The following PSPC1 variants were observed in gnomAD, a reference collection of about 807,000 sequenced individuals.
PSPC1 encodes the protein paraspeckle protein 1.
In PSPC1, 14 loss-of-function variants were observed where a neutral mutation model predicts 51.6. The observed-to-expected ratio is 0.27, with a 90% CI of 0.18 to 0.42. The LOEUF is 0.42. Among genes scored for constraint, PSPC1 ranks in the 10% least tolerant of loss-of-function variants. The pLI is 1.00. For missense variants in PSPC1, 406 were observed against 701.1 expected (o/e 0.58, Z 4.75); for synonymous variants, 193 against 231.9 (o/e 0.83, Z 1.53).
At chr13:19,726,035 C>CT (rs1384288009) in intron 6 of PSPC1, among the ~76,000 whole-genome samples, 1 of 152,094 alleles carries the variant, frequency 6.6e-6, no homozygotes, top group East Asian at 1.9e-4. Context: ...CATGCCTACT[C>CT]TCCCAGCTAC....
chr13:19,711,793 A>G (rs896146537), intron 6 of PSPC1, among the ~76,000 whole-genome samples: 29 of 151,572 alleles, frequency 1.9e-4, no homozygotes, highest in Non-Finnish European at 1.5e-5. Flanking sequence ...GCAATGAACC[A>G]AGATTGCACT....
intron 5 of PSPC1, among the ~76,000 whole-genome samples, chr13:19,735,221 A>G (rs1884642170): frequency 6.6e-6 from 1 of 152,056 alleles, no homozygotes; most frequent in African/African-American, 2.4e-5. Context: ...CTGAGGCAGG[A>G]GAATCACTTG....
At chr13:19,765,412 A>G (rs1037123567) in intron 2 of PSPC1, among the ~76,000 whole-genome samples, 1 of 149,648 alleles carries the variant, frequency 6.7e-6, no homozygotes, top group African/African-American at 2.4e-5. Context: ...GAGAAAAAAT[A>G]AAATCACTAG....
intron 6 of PSPC1, among the ~76,000 whole-genome samples, chr13:19,717,477 G>A (rs573521931): frequency 3.3e-5 from 5 of 150,130 alleles, no homozygotes; most frequent in East Asian, 2.0e-4. Context: ...AGGCCGAAGC[G>A]GGCAGATCAC....
At chr13:19,692,498 CAT>C (rs1267644480) in intron 6 of PSPC1, among the ~76,000 whole-genome samples, 13 of 152,174 alleles carry the variant, frequency 8.5e-5, no homozygotes. Context: ...AGGAATGTAT[CAT>C]AGTCATCTTT....
intron 7 of PSPC1, among the ~76,000 whole-genome samples, chr13:19,707,107 T>C (rs1050708786): frequency 6.6e-6 from 1 of 152,118 alleles, no homozygotes; most frequent in African/African-American, 2.4e-5. Context: ...GAAAACAAAC[T>C]AAGTTTCTTT....
chr13:19,765,826 A>T (rs900989828), intron 2 of PSPC1, among the ~76,000 whole-genome samples: 1 of 152,146 alleles, frequency 6.6e-6, no homozygotes, highest in Admixed American at 6.6e-5. Context: ...TAAAAAGTTA[A>T]GTAGCAATTT....
intron 1 of PSPC1, among the ~76,000 whole-genome samples, chr13:19,781,391 G>A (rs1046832825): frequency 6.6e-6 from 1 of 151,910 alleles, no homozygotes; most frequent in Non-Finnish European, 1.5e-5. Context: ...TAAATATAAA[G>A]GAATCATAAT....
chr13:19,738,780 G>A (rs567460698), intron 5 of PSPC1, among the ~76,000 whole-genome samples: 79 of 152,006 alleles, frequency 5.2e-4, no homozygotes, highest in African/African-American at 1.8e-3. Flanking sequence ...GGTGGCACGC[G>A]TCTATAGTCC....
In PSPC1 at chr13:19,782,344, C is replaced by G. The variant is rs369972993; in HGVS notation, c.372+42G>C. ...CAGCCCCACGACCCCGCGGCCACCCCGACAGTCCTTTTGTTCCCTCGCGCG... is the reference window on the plus strand; with the variant it reads ...CAGCCCCACGACCCCGCGGCCACCCGGACAGTCCTTTTGTTCCCTCGCGCG... On this transcript the variant is annotated intron_variant, in intron 1 of 8. Coordinates refer to ENST00000338910, the MANE Select transcript of PSPC1 (RefSeq NM_001354909.2). The surrounding 1 kb of genome is among the most constrained non-coding windows in gnomAD (Gnocchi z 4.5). The G allele has an allele frequency of 8.2e-5, 126 of 1,535,126 alleles. No homozygotes were observed. Among genetic ancestry groups the G allele is most frequent in the Non-Finnish European group, 9.7e-5 (111 of 1,141,938 alleles).
At chr13:19,680,623 A>G (rs1322932343) in intron 6 of PSPC1, among the ~76,000 whole-genome samples, 2 of 152,210 alleles carry the variant, frequency 1.3e-5, no homozygotes, top group Non-Finnish European at 2.9e-5. Flanking sequence ...AAAAAAACCA[A>G]TAATCAAATT....
intron 3 of PSPC1, among the ~76,000 whole-genome samples, chr13:19,758,894 T>C (rs542431847): frequency 6.6e-6 from 1 of 151,832 alleles, no homozygotes; most frequent in East Asian, 1.9e-4. Flanking sequence ...TTTTCTGGCA[T>C]GAATATTATT....
chr13:19,705,995 C>T (rs1374627722), intron 7 of PSPC1, among the ~76,000 whole-genome samples, 164 bp from the exon 8 acceptor site: 2 of 152,216 alleles, frequency 1.3e-5, no homozygotes, highest in African/African-American at 4.8e-5. Flanking sequence ...GTATTACCTA[C>T]ACTCTAGAAT....
intron 3 of PSPC1, among the ~76,000 whole-genome samples, chr13:19,757,970 T>C (rs1047329631): frequency 1.3e-5 from 2 of 152,090 alleles, no homozygotes; most frequent in African/African-American, 4.8e-5. Flanking sequence ...ATTTGATGTG[T>C]TCGTTGCACA....
chr13:19,721,312 A>G (rs2137854544), intron 6 of PSPC1, among the ~76,000 whole-genome samples: 1 of 152,334 alleles, frequency 6.6e-6, no homozygotes, highest in East Asian at 1.9e-4. Context: ...ATTATACACT[A>G]GACAATGCAC....
intron 6 of PSPC1, among the ~76,000 whole-genome samples, chr13:19,695,559 C>T (rs1879104572): frequency 6.6e-6 from 1 of 151,932 alleles, no homozygotes; most frequent in Admixed American, 6.6e-5. Flanking sequence ...ATATTAGCAA[C>T]AGATCAAATA....
At chr13:19,708,205 C>G (rs1565979552) in intron 7 of PSPC1, among the ~76,000 whole-genome samples, 2 of 152,164 alleles carry the variant, frequency 1.3e-5, no homozygotes, top group South Asian at 4.1e-4. Flanking sequence ...GAAAAAAAAG[C>G]TGATCATGGA....
intron 4 of PSPC1, among the ~76,000 whole-genome samples, chr13:19,750,576 T>C (rs1485724302): frequency 6.6e-6 from 1 of 152,052 alleles, no homozygotes; most frequent in African/African-American, 2.4e-5. Flanking sequence ...CTTTCAAACA[T>C]GTAATAATAA....
At chr13:19,687,193 T>C (rs1391728693) in intron 6 of PSPC1, among the ~76,000 whole-genome samples, 1 of 151,998 alleles carries the variant, frequency 6.6e-6, no homozygotes, top group African/African-American at 2.4e-5. Context: ...AGAGTAAGAC[T>C]CCATCTCAAA....
Sources: gnomAD v4.1 joint callset for allele counts (sites outside exome capture counted in the v4.1 genomes callset) on GRCh38, gnomAD v4.1.1 for gene constraint, Gnocchi (gnomAD v3.1) non-coding constraint, MANE v1.5 for transcripts, NCBI Gene and HGNC (gene_info 2026-07-23, HGNC 2026-07-21) for gene names.